The following RAB3GAP1 variants were observed in gnomAD, a reference collection of about 807,000 sequenced individuals.
RAB3GAP1 encodes rab3 GTPase-activating protein catalytic subunit.
A neutral mutation model predicts 130.7 loss-of-function variants in RAB3GAP1; 86 were observed. The ratio of observed to expected loss-of-function variants is 0.66; its 90% CI spans 0.55 to 0.79. RAB3GAP1 has a LOEUF of 0.79. Among genes scored for constraint, RAB3GAP1 ranks in the 30% least tolerant of loss-of-function variants. The pLI, the probability that RAB3GAP1 is intolerant of heterozygous loss-of-function variation, is 0.00. For synonymous variants in RAB3GAP1, 367 were observed against 401.7 expected, an observed-to-expected ratio of 0.91 and a Z score of 1.03; for missense variants, 1,029 against 1,169.4, an observed-to-expected ratio of 0.88 and a Z score of 1.75.
intron 13 of RAB3GAP1, among the ~76,000 whole-genome samples, chr2:135,132,340 T>C (rs953402602): frequency 9.9e-5 from 15 of 152,154 alleles, no homozygotes; most frequent in African/African-American, 3.4e-4. Flanking sequence ...CACTCGTACA[T>C]GTACATATAA....
In RAB3GAP1 at chr2:135,115,279, A is replaced by G. The variant is rs1291451934; in HGVS notation, c.546A>G (p.Gln182=). The stretch of plus-strand genomic sequence containing the variant: ...GAAGAATGTATGTAGGAGAATGTCA[A>G]GGTCCTGGTGTACGAACTGATTTCG... The part of the protein sequence containing the change: ...KWRRMYVGEC[Q]GPGVRTDFEM... The change falls in exon 7 of 24, where the codon CAA becomes CAG. Residue 182 remains glutamine (Q), a synonymous_variant. Transcript: ENST00000264158. The G allele has an allele frequency of 1.2e-6, 2 of 1,613,286 alleles. No homozygotes were observed. Among genetic ancestry groups the G allele is most frequent in the Non-Finnish European group, 8.5e-7 (1 of 1,179,260 alleles).
intron 17 of RAB3GAP1, among the ~76,000 whole-genome samples, chr2:135,138,483 A>AT (rs1691743599): frequency 6.6e-6 from 1 of 152,030 alleles, no homozygotes; most frequent in Non-Finnish European, 1.5e-5. Context: ...CCATCCACTA[A>AT]TTTTGACTTG....
At chr2:135,106,478 C>T (rs901467611) in intron 5 of RAB3GAP1, among the ~76,000 whole-genome samples, 7 of 152,156 alleles carry the variant, frequency 4.6e-5, no homozygotes, top group African/African-American at 1.4e-4. Flanking sequence ...CTCTCTGAAA[C>T]GTGCTGTGTC....
intron 7 of RAB3GAP1, among the ~76,000 whole-genome samples, chr2:135,117,786 G>GCTTCTTCTTCTTCTTCTTCTTCTT (rs1164520454): frequency 5.9e-5 from 7 of 119,216 alleles, no homozygotes; most frequent in Admixed American, 1.7e-4. Context: ...TGCTTCTTCT[G>GCTTCTTCTTCTTCTTCTTCTTCTT]CTTCTTCTTC....
At chr2:135,089,880 G>T in intron 3 of RAB3GAP1, 1 of 377,320 alleles carries the variant, frequency 2.7e-6, no homozygotes, top group Non-Finnish European at 5.3e-6. Flanking sequence ...AGTGTGAGTT[G>T]AACAGTGAGA....
chr2:135,093,749 C>G (rs1006453480), intron 5 of RAB3GAP1, 56 bp downstream of exon 5: 1 of 1,265,786 alleles, frequency 7.9e-7, no homozygotes. Flanking sequence ...GGGACCTCAA[C>G]ACTGTCCCCA....
intron 3 of RAB3GAP1, among the ~76,000 whole-genome samples, chr2:135,081,537 T>C (rs1689821945): frequency 6.6e-6 from 1 of 151,232 alleles, no homozygotes; most frequent in East Asian, 1.9e-4. Context: ...TTGGGATTAT[T>C]GTTTGTGGTC....
intron 11 of RAB3GAP1, among the ~76,000 whole-genome samples, chr2:135,128,178 CA>C (rs984608938): frequency 6.6e-6 from 1 of 152,138 alleles, no homozygotes; most frequent in Non-Finnish European, 1.5e-5. Flanking sequence ...ATAGTGAATA[CA>C]AAGATGTATA....
At chr2:135,149,066 C>T (rs1317643775) in intron 17 of RAB3GAP1, among the ~76,000 whole-genome samples, 1 of 152,106 alleles carries the variant, frequency 6.6e-6, no homozygotes, top group Non-Finnish European at 1.5e-5. Flanking sequence ...GCTTATTCTC[C>T]TCTTTATCAT....
chr2:135,070,788 G>A (rs973071745), intron 3 of RAB3GAP1, among the ~76,000 whole-genome samples: 4 of 151,986 alleles, frequency 2.6e-5, no homozygotes, highest in East Asian at 3.9e-4. Context: ...CACCACGCCC[G>A]GCCTGTAAAG....
intron 5 of RAB3GAP1, among the ~76,000 whole-genome samples, chr2:135,096,059 A>G (rs1690284408): frequency 6.6e-6 from 1 of 152,228 alleles, no homozygotes; most frequent in Non-Finnish European, 1.5e-5. Flanking sequence ...TACCTTCCAC[A>G]GATAAGGAGG....
At chr2:135,078,617 T>C in intron 3 of RAB3GAP1, among the ~76,000 whole-genome samples, 1 of 142,554 alleles carries the variant, frequency 7.0e-6, no homozygotes. Context: ...CCCCCATTAT[T>C]TCCTTCTTCA....
In RAB3GAP1 at chr2:135,101,221, TAATA is replaced by T. The variant is rs1690439722; in HGVS notation, c.362+7533_362+7536del. ...TTCATATAATTTTTATTGTAATTGT[TAATA>T]AATACATTTCTCAAAAATTTCAAGG... On this transcript the variant is annotated intron_variant, in intron 5 of 23. Coordinates refer to ENST00000264158, the MANE Select transcript of RAB3GAP1 (RefSeq NM_012233.3). Among the ~76,000 whole-genome samples the T allele has an allele frequency of 3.3e-5, 5 of 152,346 alleles. No individual in the cohort carries two copies. The South Asian group carries it at 1.0e-3, about 32-fold the overall frequency.
chr2:135,079,552 C>G (rs965458607), intron 3 of RAB3GAP1, among the ~76,000 whole-genome samples: 4 of 152,112 alleles, frequency 2.6e-5, no homozygotes, highest in African/African-American at 9.7e-5. Context: ...CTATAGGGAA[C>G]TTTAGCTGAG....
chr2:135,127,749 A>G (rs992479502), intron 11 of RAB3GAP1, among the ~76,000 whole-genome samples: 2 of 152,166 alleles, frequency 1.3e-5, no homozygotes, highest in Non-Finnish European at 2.9e-5. Flanking sequence ...AATCTTATAC[A>G]CCTCACAAGG....
At chr2:135,153,622 C>T in intron 18 of RAB3GAP1, 27 bp from the exon 19 acceptor site, 1 of 1,601,994 alleles carries the variant, frequency 6.2e-7, no homozygotes, top group Non-Finnish European at 8.6e-7. Context: ...TCATTTGATT[C>T]TGCTGAATTT....
intron 2 of RAB3GAP1, among the ~76,000 whole-genome samples, chr2:135,054,506 A>G (rs1688958334): frequency 6.6e-6 from 1 of 152,258 alleles, no homozygotes; most frequent in African/African-American, 2.4e-5. Flanking sequence ...AATAAACTTG[A>G]TGATACGTTA....
At chr2:135,099,656 T>A (rs572792104) in intron 5 of RAB3GAP1, among the ~76,000 whole-genome samples, 51 of 133,940 alleles carry the variant, frequency 3.8e-4, no homozygotes, top group Non-Finnish European at 5.6e-4. Flanking sequence ...GAGTGTAAAA[T>A]TTTTTTTTTT....
At chr2:135,053,070 C>G (rs1486903087) in intron 2 of RAB3GAP1, among the ~76,000 whole-genome samples, 1 of 152,190 alleles carries the variant, frequency 6.6e-6, no homozygotes, top group African/African-American at 2.4e-5. Flanking sequence ...TAGCTTACTG[C>G]GGCCTCGAAC....
Sources: allele counts gnomAD v4.1 joint callset (sites outside exome capture counted in the v4.1 genomes callset), GRCh38; gene constraint gnomAD v4.1.1; transcripts MANE v1.5; gene names NCBI Gene and HGNC (gene_info 2026-07-23, HGNC 2026-07-21).